Variants in AP4S1 observed in about 807,000 individuals in gnomAD.
AP4S1 encodes the protein AP-4 complex subunit sigma-1.
AP4S1 carries 23 observed loss-of-function variants against 19.8 expected under a neutral mutation model. The observed-to-expected ratio is 1.16, with a 90% CI of 0.84 to 1.65. AP4S1 has a LOEUF of 1.65. AP4S1 is among the 40% of genes most tolerant of loss of function. The probability of loss-of-function intolerance (pLI) is 0.00; values close to 1 mark genes in which losing one functional copy is unlikely to be tolerated. For missense variants in AP4S1, 166 were observed against 172.8 expected, an observed-to-expected ratio of 0.96 and a Z score of 0.22; for synonymous variants, 46 against 54.1, an observed-to-expected ratio of 0.85 and a Z score of 0.66.
rs151197199 is a variant in AP4S1, at chr14:31,047,789, A to AT, written c.-71-18336dup. On this transcript the variant is annotated intron_variant, in intron 1 of 5. Coordinates refer to ENST00000542754, the MANE Select transcript of AP4S1 (RefSeq NM_001128126.3). ...CTCCTCCCAGGCTCAAGCCATTGTC[A>AT]TGCCTCAATGACAAGCCTCCCGAGT... Among the ~76,000 whole-genome samples, 1,505 of 152,010 alleles carry AT rather than the reference A, an allele frequency of 9.9e-3. 30 individuals are homozygous for AT. Among genetic ancestry groups the AT allele is most frequent in the African/African-American group, 0.033 (1,366 of 41,478 alleles).
In AP4S1 at chr14:31,095,284, T is replaced by C. The variant is rs559458806; in HGVS notation, c.*2249T>C. On this transcript the variant is annotated 3_prime_UTR_variant, in exon 6 of 6. Coordinates refer to ENST00000542754, the MANE Select transcript of AP4S1 (RefSeq NM_001128126.3). ...TTTATTTGCCAGTTTGTAAAAGCCT[T>C]TGATACTCATTTTAAGGGCACTTAG... 7.2e-4 allele frequency: 109 copies of C among 152,366 alleles called. No homozygotes were observed. The highest frequency in any genetic ancestry group is 2.4e-3 in the African/African-American group (98 of 41,586). The allele number at this position is 152,366 out of a possible 1,614,324, so 9.4% of individuals were successfully genotyped here.
At chr14:31,035,040 C>T (rs1393412672) in intron 1 of AP4S1, among the ~76,000 whole-genome samples, 1 of 152,078 alleles carries the variant, frequency 6.6e-6, no homozygotes, top group Non-Finnish European at 1.5e-5. Context: ...TACTTTTTTT[C>T]TGTGTGAAGA....
rs1181539111 is a variant in AP4S1, at chr14:31,095,174, A to G, written c.*2139A>G. On this transcript the variant is annotated 3_prime_UTR_variant, in exon 6 of 6. Transcript: ENST00000542754. ...ACAACACTGTACTCCAACCTGGGTA[A>G]TGGAGTGAGGCCCTGCCTCAAAAAC... The G allele has an allele frequency of 1.3e-5, 2 of 152,276 alleles. No individual in the cohort carries two copies. The highest frequency in any genetic ancestry group is 6.5e-5 in the Admixed American group (1 of 15,286). 9.4% of individuals were successfully genotyped at this position (152,276 alleles called of 1,614,324 possible).
rs138294341 is a variant in AP4S1 at position 31,054,185 on chromosome 14, G to A, written c.-71-11941G>A. Among the ~76,000 whole-genome samples, 3 of 152,268 alleles carry A rather than the reference G, an allele frequency of 2.0e-5. 1 individual carries two copies. Among genetic ancestry groups the A allele is most frequent in the African/African-American group, 4.8e-5 (2 of 41,562 alleles). On this transcript the variant is annotated intron_variant, in intron 1 of 5. Coordinates refer to ENST00000542754, the MANE Select transcript of AP4S1 (RefSeq NM_001128126.3). Reference sequence around the variant, plus strand: ...ATTCTACCCACTAGAAGAAGTTCACGTTCTGGTATAGTGTTTTTCAAACTT... The same window carrying A: ...ATTCTACCCACTAGAAGAAGTTCACATTCTGGTATAGTGTTTTTCAAACTT...
intron 1 of AP4S1, chr14:31,026,635 G>T: frequency 6.4e-6 from 1 of 156,760 alleles, no homozygotes. Context: ...GACCCGATCC[G>T]GTGTCTGGCC....
In AP4S1 at chr14:31,071,183, C is replaced by A. The variant is rs190074567; in HGVS notation, c.225+1254C>A. Among the ~76,000 whole-genome samples the A allele has an allele frequency of 7.0e-4, 106 of 152,276 alleles. 2 individuals carry two copies. The highest frequency in any genetic ancestry group is 6.8e-3 in the Admixed American group (104 of 15,288). ...CTCCCAAATCAATAGCACTTATGGC[C>A]ATGGAATCCCTGAAAGGATGTTTTA... On this transcript the variant is annotated intron_variant, in intron 3 of 5. Coordinates refer to ENST00000542754, the MANE Select transcript of AP4S1 (RefSeq NM_001128126.3).
At chr14:31,044,408 C>T (rs36036776) in intron 1 of AP4S1, among the ~76,000 whole-genome samples, 7,367 of 152,088 alleles carry the variant, frequency 0.048, 241 homozygotes, top group Middle Eastern at 0.078. Flanking sequence ...GTGGCATAAT[C>T]GTAGATTACT....
chr14:31,079,202 CTT>C (rs1162155558), intron 4 of AP4S1, among the ~76,000 whole-genome samples: 3 of 152,164 alleles, frequency 2.0e-5, no homozygotes, highest in African/African-American at 7.2e-5. Context: ...ACTTAATTCT[CTT>C]TGCTTTTTTC....
chr14:31,067,591 T>G (rs1313896953), intron 2 of AP4S1, among the ~76,000 whole-genome samples: 3 of 151,140 alleles, frequency 2.0e-5, no homozygotes, highest in African/African-American at 7.3e-5. Context: ...CTTGGCTCAC[T>G]GTAACCAACC....
At chr14:31,064,177 TC>T (rs1886590759) in intron 1 of AP4S1, among the ~76,000 whole-genome samples, 1 of 152,222 alleles carries the variant, frequency 6.6e-6, no homozygotes, top group Non-Finnish European at 1.5e-5. Flanking sequence ...GTGTCATGGA[TC>T]CATGCATGTG....
chr14:31,089,294 T>TCGAG (rs1555335461), intron 5 of AP4S1, among the ~76,000 whole-genome samples: 1 of 152,176 alleles, frequency 6.6e-6, no homozygotes, highest in Non-Finnish European at 1.5e-5. Context: ...GTGAACACAG[T>TCGAG]GGCCCTTGGC....
intron 3 of AP4S1, among the ~76,000 whole-genome samples, chr14:31,071,055 A>G (rs1245220824): frequency 2.0e-5 from 3 of 152,180 alleles, no homozygotes; most frequent in Non-Finnish European, 4.4e-5. Context: ...CCATCTCAAA[A>G]AAAAAAGGGC....
chr14:31,037,284 A>G (rs1884837453), intron 1 of AP4S1, among the ~76,000 whole-genome samples: 2 of 151,980 alleles, frequency 1.3e-5, no homozygotes, highest in South Asian at 4.2e-4. Flanking sequence ...GCATCCTAAA[A>G]AACGTTCCAG....
chr14:31,090,876 A>G (rs1217739602), intron 5 of AP4S1, among the ~76,000 whole-genome samples: 6 of 152,222 alleles, frequency 3.9e-5, no homozygotes, highest in Admixed American at 2.0e-4. Context: ...TAGTTTCCCC[A>G]TATAGTGCCA....
chr14:31,074,360 T>TAAAG (rs1566539620), intron 4 of AP4S1, among the ~76,000 whole-genome samples: 2 of 133,444 alleles, frequency 1.5e-5, no homozygotes, highest in African/African-American at 5.5e-5. Context: ...AATAAATAAA[T>TAAAG]AAATAAAGTA....
intron 5 of AP4S1, among the ~76,000 whole-genome samples, chr14:31,082,886 A>G (rs1887723395): frequency 1.4e-5 from 2 of 147,026 alleles, no homozygotes; most frequent in Non-Finnish European, 1.5e-5. Flanking sequence ...ACAGAGCGAG[A>G]CTCCGTCTCA....
intron 5 of AP4S1, among the ~76,000 whole-genome samples, chr14:31,090,393 C>T (rs1456704522): frequency 6.6e-6 from 1 of 152,224 alleles, no homozygotes; most frequent in African/African-American, 2.4e-5. Context: ...CAGAAAGGCT[C>T]TTAGGTTTGT....
intron 1 of AP4S1, among the ~76,000 whole-genome samples, chr14:31,060,890 CT>C (rs879408672): frequency 1.6e-3 from 239 of 147,192 alleles, no homozygotes; most frequent in African/African-American, 5.3e-3. Context: ...CTTGACTCCA[CT>C]TTTTTTTTTT....
At chr14:31,026,259 G>C in intron 1 of AP4S1, 1 of 1,326,316 alleles carries the variant, frequency 7.5e-7, no homozygotes, top group Admixed American at 4.2e-5. Flanking sequence ...GGGTGGCCCC[G>C]CGCTGGCTGC....
Sources: allele counts gnomAD v4.1 joint callset (sites outside exome capture counted in the v4.1 genomes callset), GRCh38; gene constraint gnomAD v4.1.1; transcripts MANE v1.5; gene names NCBI Gene and HGNC (gene_info 2026-07-23, HGNC 2026-07-21).